The following C19orf33 variants were observed in gnomAD, a reference collection of about 807,000 sequenced individuals.
C19orf33 encodes the protein chromosome 19 open reading frame 33, also known as immortalization up-regulated protein.
Under a neutral mutation model 9.7 loss-of-function variants are expected in C19orf33, and 9 were observed. The observed-to-expected ratio is 0.93, with a 90% confidence interval of 0.56 to 1.61. C19orf33 has a LOEUF of 1.61. Among genes scored for constraint, C19orf33 ranks in the 40% most tolerant of loss-of-function variants. The probability of loss-of-function intolerance (pLI) is 0.00; values close to 1 mark genes in which losing one functional copy is unlikely to be tolerated. For missense variants in C19orf33, 145 were observed against 137.9 expected, an observed-to-expected ratio of 1.05 and a Z score of -0.26; for synonymous variants, 61 against 54.8, an observed-to-expected ratio of 1.11 and a Z score of -0.50.
rs772301397 is a variant in C19orf33 at position 38,304,886 on chromosome 19, C to A, written c.243C>A (p.Gly81=). Residue 81 remains glycine, a synonymous_variant, in exon 4 of 4, where the codon GGC becomes GGA. Transcript: ENST00000301246. Reference sequence around the variant, plus strand: ...CCAAGCAGCACGAGAGCATCCCGGGCAAGGCCAAGAAGCCCAAAGTGAAGA... The same window carrying A: ...CCAAGCAGCACGAGAGCATCCCGGGAAAGGCCAAGAAGCCCAAAGTGAAGA... ...AGSKQHESIP[G]KAKKPKVKKK... is the part of the protein sequence containing the mutation. 5.6e-6 allele frequency: 9 copies of A among 1,613,342 alleles called. No homozygotes were observed. The highest frequency in any genetic ancestry group is 4.5e-5 in the East Asian group (2 of 44,852).
chr19:38,304,629 ACAC>A lies in C19orf33; in HGVS notation c.148_150del (p.His50del). ...ACTGCCGCACCTCCATCCAGCAAGG[ACAC>A]CACAGCTCTTCCGACTCCAGCAGCA... On this transcript the variant is annotated inframe_deletion, in exon 3 of 4. Coordinates refer to ENST00000301246, the MANE Select transcript of C19orf33 (RefSeq NM_033520.3). The A allele has an allele frequency of 6.2e-7, 1 of 1,613,468 alleles. No individual in the cohort carries two copies. Among genetic ancestry groups the A allele is most frequent in the Non-Finnish European group, 8.5e-7 (1 of 1,179,976 alleles).
rs551134869 is a variant in C19orf33, at chr19:38,304,542, CT to C, written c.138+53del. 18 of 1,586,390 alleles carry C rather than the reference CT, an allele frequency of 1.1e-5. No individual in the cohort carries two copies. The African/African-American group carries it at 2.0e-4, about 18-fold the overall frequency. ...AGGGGCGGGAAGGCTGGGGTTGCCC[CT>C]GACCCCAGGGTCCTGCCTTAGGCCT... On this transcript the variant is annotated intron_variant, in intron 2 of 3. Coordinates refer to ENST00000301246, the MANE Select transcript of C19orf33 (RefSeq NM_033520.3).
At chr19:38,304,583 C>A (rs1179276113) in intron 2 of C19orf33, 41 bp from the exon 3 acceptor site, 2 of 1,611,702 alleles carry the variant, frequency 1.2e-6, no homozygotes, top group Non-Finnish European at 1.7e-6. Flanking sequence ...CTTCAGGGGG[C>A]TGGGTAAGGG....
At position 38,304,482 on chromosome 19, in the gene C19orf33, G is replaced by T. The variant is rs1406081288; in HGVS notation, c.130G>T (p.Gly44Cys). Residue 44 changes from glycine (G) to cysteine (C), a missense_variant, in exon 2 of 4, where the codon GGT becomes TGT. Coordinates refer to ENST00000301246, the MANE Select transcript of C19orf33 (RefSeq NM_033520.3). ...CCGGTCGGAGGCAGGGGCAGGTCCG[G>T]GTCCAAAGGTAAGTCGCCTCATCAC... is the stretch of plus-strand genomic sequence containing the variant. Reference protein sequence around the residue: ...QGRSEAGAGPGPKQGHHSSSD... With the variant: ...QGRSEAGAGPCPKQGHHSSSD... The T allele has an allele frequency of 1.3e-6, 2 of 1,555,850 alleles. No individual in the cohort carries two copies. The highest frequency in any genetic ancestry group is 1.7e-6 in the Non-Finnish European group (2 of 1,150,052).
chr19:38,304,905 G>A lies in C19orf33; in HGVS notation c.262G>A (p.Val88Met), dbSNP rs1254579970. The A allele has an allele frequency of 6.5e-7, 1 of 1,538,886 alleles. No homozygotes were observed. Among genetic ancestry groups the A allele is most frequent in the Admixed American group, 1.8e-5 (1 of 55,810 alleles). Residue 88 changes from valine (V) to methionine (M), a missense_variant, in exon 4 of 4, where the codon GTG becomes ATG. Val to Met is a conservative substitution (Grantham distance 21, BLOSUM62 1). Coordinates refer to ENST00000301246, the MANE Select transcript of C19orf33 (RefSeq NM_033520.3). Reference sequence around the variant, plus strand: ...CCCGGGCAAGGCCAAGAAGCCCAAAGTGAAGAAGAAGGAGAAGGGCAAGAA... The same window carrying A: ...CCCGGGCAAGGCCAAGAAGCCCAAAATGAAGAAGAAGGAGAAGGGCAAGAA... ...SIPGKAKKPK[V>M]KKKEKGKKEK...
intron 2 of C19orf33, 46 bp from the exon 3 acceptor site, chr19:38,304,578 G>A (rs745418173): frequency 7.4e-6 from 12 of 1,611,086 alleles, no homozygotes; most frequent in Non-Finnish European, 5.9e-6. Flanking sequence ...TCCAACTTCA[G>A]GGGGCTGGGT....
chr19:38,304,388 C>G lies in C19orf33; in HGVS notation c.36C>G (p.Thr12=). 3 of 1,580,280 alleles carry G rather than the reference C, an allele frequency of 1.9e-6. No homozygotes were observed. Among genetic ancestry groups the G allele is most frequent in the Non-Finnish European group, 2.6e-6 (3 of 1,164,032 alleles). ...EFDLGAALEP[T]SQKPGVGAGH... The stretch of plus-strand genomic sequence containing the variant: ...TTCTCTCCACAGCCCTGGAGCCCAC[C>G]TCCCAGAAGCCCGGTGTGGGGGCGG... Residue 12 remains threonine (T), a synonymous_variant, in exon 2 of 4, where the codon ACC becomes ACG. Transcript: ENST00000301246.
In C19orf33 at chr19:38,304,700, G is replaced by A. The variant is rs371034707; in HGVS notation, c.201+14G>A. The A allele has an allele frequency of 6.2e-7, 1 of 1,613,618 alleles. No individual in the cohort carries two copies. The highest frequency in any genetic ancestry group is 8.5e-7 in the Non-Finnish European group (1 of 1,179,962). On this transcript the variant is annotated intron_variant, in intron 3 of 3. Transcript: ENST00000301246. ...ACGGATGTGAAGGTAAGGGGCTCTC[G>A]CCAGCGTCCCCAAGCACGTGCCCTG... is the stretch of plus-strand genomic sequence containing the variant.
intron 3 of C19orf33, 64 bp from the exon 4 acceptor site, chr19:38,304,781 C>A: frequency 1.2e-6 from 2 of 1,612,156 alleles, no homozygotes; most frequent in Admixed American, 1.7e-5. Flanking sequence ...GGGGAGTGGT[C>A]CCCCTGTCTC....
At position 38,304,501 on chromosome 19, in the gene C19orf33, T is replaced by C. The variant is rs1185623551; in HGVS notation, c.138+11T>C. On this transcript the variant is annotated intron_variant, in intron 2 of 3. Transcript: ENST00000301246. ...GGTCCGGGTCCAAAGGTAAGTCGCC[T>C]CATCACCGGCTGCGGAGGGGCGGGA... 1.3e-6 allele frequency: 2 copies of C among 1,559,192 alleles called. No individual in the cohort carries two copies. Among genetic ancestry groups the C allele is most frequent in the African/African-American group, 1.4e-5 (1 of 73,542 alleles).
In C19orf33 at chr19:38,304,464, G is replaced by C; in HGVS notation, c.112G>C (p.Glu38Gln). The C allele has an allele frequency of 2.6e-6, 4 of 1,556,314 alleles. No homozygotes were observed. Among genetic ancestry groups the C allele is most frequent in the Non-Finnish European group, 3.5e-6 (4 of 1,150,460 alleles). ...TCCCCACAAAGTTCAGGGCCGGTCG[G>C]AGGCAGGGGCAGGTCCGGGTCCAAA... ...LSPHKVQGRSEAGAGPGPKQG... is the reference protein window; with the variant it reads ...LSPHKVQGRSQAGAGPGPKQG... Residue 38 changes from glutamate (E) to glutamine (Q), a missense_variant, in exon 2 of 4, where the codon GAG (glutamate) becomes CAG (glutamine). By Grantham distance (29) the Glu-to-Gln change is conservative. Transcript: ENST00000301246.
chr19:38,304,599 G>A lies in C19orf33; in HGVS notation c.139-25G>A, dbSNP rs570266275. ...TTCAGGGGGCTGGGTAAGGGGCGCCGCCTCACTGCCGCACCTCCATCCAGC... is the reference window on the plus strand; with the variant it reads ...TTCAGGGGGCTGGGTAAGGGGCGCCACCTCACTGCCGCACCTCCATCCAGC... On this transcript the variant is annotated intron_variant, in intron 2 of 3. Transcript: ENST00000301246. The A allele has an allele frequency of 3.9e-5, 63 of 1,612,954 alleles. No homozygotes were observed. In the East Asian group the frequency reaches 1.0e-3, roughly 26 times the overall value.
In C19orf33 at chr19:38,304,423, G is replaced by C. The variant is rs747979155; in HGVS notation, c.71G>C (p.Gly24Ala). 3 of 1,561,330 alleles carry C rather than the reference G, an allele frequency of 1.9e-6. No individual in the cohort carries two copies. The highest frequency in any genetic ancestry group is 1.9e-5 in the Admixed American group (1 of 51,548). ...QKPGVGAGHG[G>A]DPKLSPHKVQ... Reference sequence around the variant, plus strand: ...CCCGGTGTGGGGGCGGGCCACGGGGGAGATCCCAAGCTCAGTCCCCACAAA... The same window carrying C: ...CCCGGTGTGGGGGCGGGCCACGGGGCAGATCCCAAGCTCAGTCCCCACAAA... Residue 24 changes from glycine (G) to alanine (A), a missense_variant, in exon 2 of 4, where the codon GGA becomes GCA. Physicochemically the swap from Gly to Ala is moderately conservative, Grantham distance 60. Transcript: ENST00000301246.
Position 38,304,251 on chromosome 19 carries a change from C to G in C19orf33, c.-11C>G. The G allele has an allele frequency of 6.2e-7, 1 of 1,613,634 alleles. No individual in the cohort carries two copies. The highest frequency in any genetic ancestry group is 1.1e-5 in the South Asian group (1 of 91,072). ...CGCCCTTGGCCTTAGGACCCAACTT[C>G]TCTTACCGCCATGGAGTTCGACCTG... On this transcript the variant is annotated 5_prime_UTR_variant, in exon 1 of 4. Transcript: ENST00000301246.
rs146725585 is a variant in C19orf33, at chr19:38,304,953, G to A, written c.310G>A (p.Ala104Thr). The A allele has an allele frequency of 6.2e-7, 1 of 1,607,452 alleles. No homozygotes were observed. The highest frequency in any genetic ancestry group is 8.5e-7 in the Non-Finnish European group (1 of 1,177,370). ...GKKEKGKKKE[A>T]PH ...GAAGGAGAAGGGCAAGAAGAAGGAG[G>A]CTCCCCACTGAAGGGCCCTGGACAG... The change falls in exon 4 of 4, where the codon GCT becomes ACT. Residue 104 changes from alanine (A) to threonine (T), a missense_variant. Transcript: ENST00000301246.
At chr19:38,304,749 C>G in intron 3 of C19orf33, 63 bp downstream of exon 3, 1 of 1,611,620 alleles carries the variant, frequency 6.2e-7, no homozygotes, top group Non-Finnish European at 8.5e-7. Flanking sequence ...CGTCCCCGCA[C>G]TGGGGCTGGC....
rs1250611647 is a variant in C19orf33, at chr19:38,304,259, G to C, written c.-3G>C. ...GCCTTAGGACCCAACTTCTCTTACC[G>C]CCATGGAGTTCGACCTGGGAGCAGG... On this transcript the variant is annotated 5_prime_UTR_variant, in exon 1 of 4. Coordinates refer to ENST00000301246, the MANE Select transcript of C19orf33 (RefSeq NM_033520.3). 1 of 1,613,668 alleles carries C rather than the reference G, an allele frequency of 6.2e-7. No homozygotes were observed.
chr19:38,304,562 T>C lies in C19orf33; in HGVS notation c.139-62T>C. ...TGCCCCTGACCCCAGGGTCCTGCCT[T>C]AGGCCTCCAACTTCAGGGGGCTGGG... On this transcript the variant is annotated intron_variant, in intron 2 of 3. Coordinates refer to ENST00000301246, the MANE Select transcript of C19orf33 (RefSeq NM_033520.3). 6 of 1,605,192 alleles carry C rather than the reference T, an allele frequency of 3.7e-6. 1 individual carries two copies. Among genetic ancestry groups the C allele is most frequent in the Non-Finnish European group, 5.1e-6 (6 of 1,176,296 alleles).
chr19:38,304,881 C>G lies in C19orf33; in HGVS notation c.238C>G (p.Pro80Ala). 1 of 1,613,374 alleles carries G rather than the reference C, an allele frequency of 6.2e-7. No individual in the cohort carries two copies. The highest frequency in any genetic ancestry group is 8.5e-7 in the Non-Finnish European group (1 of 1,179,912). Reference sequence around the variant, plus strand: ...TGGCTCCAAGCAGCACGAGAGCATCCCGGGCAAGGCCAAGAAGCCCAAAGT... The same window carrying G: ...TGGCTCCAAGCAGCACGAGAGCATCGCGGGCAAGGCCAAGAAGCCCAAAGT... ...AAGSKQHESI[P>A]GKAKKPKVKK... Residue 80 changes from proline to alanine, a missense_variant, in exon 4 of 4, where the codon CCG becomes GCG. Physicochemically the swap from Pro to Ala is conservative, Grantham distance 27. Coordinates refer to ENST00000301246, the MANE Select transcript of C19orf33 (RefSeq NM_033520.3).
Sources: gnomAD v4.1 joint callset for allele counts on GRCh38, gnomAD v4.1.1 for gene constraint, MANE v1.5 for transcripts, NCBI Gene and HGNC (gene_info 2026-07-23, HGNC 2026-07-21) for gene names.